Variants in FHIT observed in about 807,000 individuals in gnomAD.
FHIT encodes fragile histidine triad diadenosine triphosphatase.
FHIT carries 19 observed loss-of-function variants against 17.9 expected under a neutral mutation model. The ratio of observed to expected loss-of-function variants is 1.06; its 90% CI spans 0.74 to 1.56. FHIT has a LOEUF of 1.56. Among genes scored for constraint, FHIT ranks in the 40% most tolerant of loss-of-function variants. The pLI is 0.00. For missense variants in FHIT, 248 were observed against 189.2 expected, an observed-to-expected ratio of 1.31 and a Z score of -1.82; for synonymous variants, 81 against 69.7, an observed-to-expected ratio of 1.16 and a Z score of -0.81.
At chr3:60,858,136 G>A (rs1169987323) in intron 3 of FHIT, among the ~76,000 whole-genome samples, 1 of 152,172 alleles carries the variant, frequency 6.6e-6, no homozygotes, top group Non-Finnish European at 1.5e-5. Context: ...CACATGGTGT[G>A]TATGCAATGA....
intron 5 of FHIT, among the ~76,000 whole-genome samples, chr3:60,308,496 G>GTATATATATATATATATATA (rs5849349): frequency 1.3e-4 from 19 of 140,932 alleles, no homozygotes; most frequent in South Asian, 1.2e-3. Context: ...AGGTGTATGT[G>GTATATATATATATATATATA]TATATATATA....
At chr3:61,230,175 C>T (rs2040064003) in intron 1 of FHIT, among the ~76,000 whole-genome samples, 1 of 152,090 alleles carries the variant, frequency 6.6e-6, no homozygotes, top group Non-Finnish European at 1.5e-5. Flanking sequence ...GGTATTTGTC[C>T]CCCCAAATCT....
rs368788527 is a variant in FHIT at position 59,923,163 on chromosome 3, T to G, written c.280-749A>C. On this transcript the variant is annotated intron_variant, in intron 7 of 9. Transcript: ENST00000492590. Reference sequence around the variant, plus strand: ...TGGCCTGAAACCAGGAGGCGGAGCTTGCAGTGAGCTGAGATCGCGCCACTG... The same window carrying G: ...TGGCCTGAAACCAGGAGGCGGAGCTGGCAGTGAGCTGAGATCGCGCCACTG... 8.6e-3 allele frequency among the ~76,000 whole-genome samples: 1,159 copies of G among 134,434 alleles called. 7 individuals carry two copies. Among genetic ancestry groups the G allele is most frequent in the Middle Eastern group, 0.029 (6 of 210 alleles). 88.2% of individuals were successfully genotyped at this position (134,434 alleles called of 152,430 possible).
chr3:60,716,100 C>T (rs1553706708), intron 4 of FHIT, among the ~76,000 whole-genome samples: 1 of 151,946 alleles, frequency 6.6e-6, no homozygotes, highest in African/African-American at 2.4e-5. Flanking sequence ...ACAAATTAGC[C>T]AGGTGTGGTG....
At chr3:60,438,246 T>C (rs1044432200) in intron 5 of FHIT, among the ~76,000 whole-genome samples, 13 of 152,002 alleles carry the variant, frequency 8.6e-5, no homozygotes, top group African/African-American at 2.9e-4. Flanking sequence ...GTGCTGATGA[T>C]AATAGTGAAA....
rs565616154 is a variant in FHIT, at chr3:61,219,070, T to C, written c.-212-18405A>G. On this transcript the variant is annotated intron_variant, in intron 1 of 9. Transcript: ENST00000492590. ...ATGGTATAGCCTATTGCTCCTAGGTTACAGACCTGTAAAGCATGTTACTGT... is the reference window on the plus strand; with the variant it reads ...ATGGTATAGCCTATTGCTCCTAGGTCACAGACCTGTAAAGCATGTTACTGT... Among the ~76,000 whole-genome samples, 53 of 152,222 alleles carry C rather than the reference T, an allele frequency of 3.5e-4. 1 individual carries two copies. The highest frequency in any genetic ancestry group is 5.7e-4 in the Non-Finnish European group (39 of 68,044).
intron 8 of FHIT, among the ~76,000 whole-genome samples, chr3:59,836,023 T>C (rs1363306616): frequency 2.6e-5 from 4 of 152,118 alleles, no homozygotes; most frequent in African/African-American, 7.2e-5. Flanking sequence ...CCATTTTCCC[T>C]CACTCCCCAT....
At chr3:60,636,592 G>A (rs2039591559) in intron 4 of FHIT, among the ~76,000 whole-genome samples, 1 of 152,154 alleles carries the variant, frequency 6.6e-6, no homozygotes, top group African/African-American at 2.4e-5. Flanking sequence ...TGAAAATTTT[G>A]TGTTATTCTT....
intron 3 of FHIT, among the ~76,000 whole-genome samples, chr3:60,949,767 T>C (rs1314574705): frequency 6.6e-6 from 1 of 152,188 alleles, no homozygotes. Flanking sequence ...GCAGATTTCT[T>C]TTTTAAAAAA....
At chr3:60,499,098 G>A (rs1332804766) in intron 5 of FHIT, among the ~76,000 whole-genome samples, 1 of 152,176 alleles carries the variant, frequency 6.6e-6, no homozygotes, top group Non-Finnish European at 1.5e-5. Context: ...TGACCAAGGA[G>A]TTGAAGGGGA....
chr3:60,333,451 G>C (rs1710084199), intron 5 of FHIT, among the ~76,000 whole-genome samples: 1 of 146,540 alleles, frequency 6.8e-6, no homozygotes, highest in Non-Finnish European at 1.5e-5. Context: ...TTAAGATACT[G>C]TGCCCTAAAA....
intron 1 of FHIT, among the ~76,000 whole-genome samples, chr3:61,231,724 G>GA (rs762228125): frequency 1.3e-5 from 2 of 152,168 alleles, no homozygotes; most frequent in Non-Finnish European, 2.9e-5. Flanking sequence ...TCCCTTCACA[G>GA]AGAGTAACAC....
intron 4 of FHIT, among the ~76,000 whole-genome samples, chr3:60,639,500 G>A (rs782134130): frequency 7.2e-5 from 11 of 152,248 alleles, no homozygotes; most frequent in East Asian, 3.9e-4. Context: ...AAGGGCCATC[G>A]TAAATGCCCC....
chr3:61,028,250 T>C (rs1026355676), intron 3 of FHIT, among the ~76,000 whole-genome samples: 1 of 152,210 alleles, frequency 6.6e-6, no homozygotes, highest in Admixed American at 6.5e-5. Flanking sequence ...AAAGTCAAGA[T>C]AGCTTTCTAC....
chr3:61,144,773 G>C (rs1489590503), intron 2 of FHIT, among the ~76,000 whole-genome samples: 4 of 152,106 alleles, frequency 2.6e-5, no homozygotes, highest in Non-Finnish European at 4.4e-5. Flanking sequence ...GTTTTGGTTT[G>C]ATCTAATTTG....
intron 5 of FHIT, among the ~76,000 whole-genome samples, chr3:60,518,961 C>T (rs931848220): frequency 6.6e-6 from 1 of 152,190 alleles, no homozygotes; most frequent in Non-Finnish European, 1.5e-5. Context: ...ACCGAGGTGG[C>T]ACCAATGCAC....
chr3:59,866,762 CACTTCTGTAGATA>C (rs535311297), intron 8 of FHIT, among the ~76,000 whole-genome samples: 224 of 152,178 alleles, frequency 1.5e-3, no homozygotes, highest in African/African-American at 5.2e-3. Flanking sequence ...GAATAATTGC[CACTTCTGTAGATA>C]GCTTCTGGCC....
chr3:61,167,930 G>A (rs950213538), intron 2 of FHIT, among the ~76,000 whole-genome samples: 3 of 152,064 alleles, frequency 2.0e-5, no homozygotes, highest in African/African-American at 7.2e-5. Context: ...TCTCTCAGCT[G>A]GTAAGTGACA....
chr3:60,075,105 G>T (rs1353765738), intron 5 of FHIT, among the ~76,000 whole-genome samples: 1 of 152,106 alleles, frequency 6.6e-6, no homozygotes, highest in East Asian at 1.9e-4. Flanking sequence ...TGGAACCAAA[G>T]TTCCTATGAC....
Sources: allele counts gnomAD v4.1 joint callset (sites outside exome capture counted in the v4.1 genomes callset), GRCh38; gene constraint gnomAD v4.1.1; transcripts MANE v1.5; gene names NCBI Gene and HGNC (gene_info 2026-07-23, HGNC 2026-07-21).